The following SCPEP1 variants were observed in gnomAD, a reference collection of about 807,000 sequenced individuals.
SCPEP1 encodes retinoid-inducible serine carboxypeptidase.
SCPEP1 carries 51 observed loss-of-function variants against 63.8 expected under a neutral mutation model. That is an observed-to-expected ratio of 0.80 (90% CI 0.64 to 1.01). SCPEP1 has a LOEUF of 1.01. Among genes scored for constraint, SCPEP1 ranks in the 50% least tolerant of loss-of-function variants. The probability of loss-of-function intolerance (pLI) is 0.00; values close to 1 mark genes in which losing one functional copy is unlikely to be tolerated. For synonymous variants in SCPEP1, 204 were observed against 207.8 expected (o/e 0.98, Z 0.16); for missense variants, 499 against 554.9 (o/e 0.90, Z 1.01).
intron 1 of SCPEP1, among the ~76,000 whole-genome samples, chr17:56,980,207 T>C (rs568920191): frequency 6.8e-4 from 103 of 152,302 alleles, no homozygotes; most frequent in Non-Finnish European, 1.1e-3. Flanking sequence ...CTCAACCTAC[T>C]GGGCTCAAGC....
At position 56,978,357 on chromosome 17, in the gene SCPEP1, T is replaced by C. The variant is rs546430301; in HGVS notation, c.76+122T>C. On this transcript the variant is annotated intron_variant, in intron 1 of 12. Transcript: ENST00000262288. ...TTTCCCCGGTTCTTACCTTGTGTAATTATATTGCTTTTGAATCTCACTCTT... is the reference window on the plus strand; with the variant it reads ...TTTCCCCGGTTCTTACCTTGTGTAACTATATTGCTTTTGAATCTCACTCTT... 4.8e-5 allele frequency: 58 copies of C among 1,201,794 alleles called. No individual in the cohort carries two copies. In the South Asian group the frequency reaches 6.7e-4, roughly 14 times the overall value. 74.4% of individuals were successfully genotyped at this position (1,201,794 alleles called of 1,614,324 possible).
chr17:56,991,582 C>T lies in SCPEP1; in HGVS notation c.619+411C>T, dbSNP rs559344359. Reference sequence around the variant, plus strand: ...ACATAAGTGTTTGGGGTAAAATTCCCGTCTGTTACGCATATTGATGGCAAG... The same window carrying T: ...ACATAAGTGTTTGGGGTAAAATTCCTGTCTGTTACGCATATTGATGGCAAG... On this transcript the variant is annotated intron_variant, in intron 6 of 12. Transcript: ENST00000262288. Among the ~76,000 whole-genome samples, 15 of 152,256 alleles carry T rather than the reference C, an allele frequency of 9.9e-5. No homozygotes were observed. The South Asian group carries it at 1.0e-3, about 11-fold the overall frequency.
intron 2 of SCPEP1, among the ~76,000 whole-genome samples, chr17:56,982,022 T>C (rs1260657459): frequency 2.0e-5 from 3 of 152,192 alleles, no homozygotes; most frequent in Admixed American, 6.5e-5. Flanking sequence ...CTGAGTGTGT[T>C]TGCATTTTAA....
At chr17:56,995,039 A>C (rs752042308) in intron 7 of SCPEP1, 21 bp downstream of exon 7, 3 of 1,608,184 alleles carry the variant, frequency 1.9e-6, no homozygotes, top group African/African-American at 2.7e-5. Context: ...ACACATCTGC[A>C]CCCTCTGGGC....
chr17:56,990,595 A>G (rs1911364827), intron 5 of SCPEP1, among the ~76,000 whole-genome samples: 1 of 152,176 alleles, frequency 6.6e-6, no homozygotes, highest in African/African-American at 2.4e-5. Context: ...GTAGTTCTCA[A>G]CTTTCTATTT....
At chr17:56,996,360 G>A (rs568241709) in intron 8 of SCPEP1, among the ~76,000 whole-genome samples, 4 of 147,606 alleles carry the variant, frequency 2.7e-5, no homozygotes, top group Admixed American at 2.0e-4. Flanking sequence ...ACGCACCACC[G>A]CACCCAGCTA....
At chr17:57,002,673 C>A (rs757881531) in intron 12 of SCPEP1, among the ~76,000 whole-genome samples, 11 of 152,070 alleles carry the variant, frequency 7.2e-5, no homozygotes, top group Non-Finnish European at 1.5e-4. Context: ...CACCACTGCA[C>A]TCCAGCCTGG....
At chr17:56,988,973 G>A (rs1482965789) in intron 5 of SCPEP1, among the ~76,000 whole-genome samples, 1 of 151,888 alleles carries the variant, frequency 6.6e-6, no homozygotes, top group African/African-American at 2.4e-5. Context: ...GACTGCTTGT[G>A]ACCAGGAGTT....
In SCPEP1 at chr17:56,987,327, C is replaced by T. The variant is rs932271579; in HGVS notation, c.316-368C>T. 9 of 165,080 alleles carry T rather than the reference C, an allele frequency of 5.5e-5. No homozygotes were observed. In the South Asian group the frequency reaches 1.6e-3, roughly 29 times the overall value. The allele number at this position is 165,080 out of a possible 1,614,324, so 10.2% of individuals were successfully genotyped here. ...CCAGACTTTGAGTGTCCTCTGGCTT[C>T]TTCGAGTTAGTGCATAGACTGTCTC... On this transcript the variant is annotated intron_variant, in intron 3 of 12. Coordinates refer to ENST00000262288, the MANE Select transcript of SCPEP1 (RefSeq NM_021626.3).
At chr17:56,986,417 A>T (rs61157123) in intron 3 of SCPEP1, among the ~76,000 whole-genome samples, 1,727 of 151,008 alleles carry the variant, frequency 0.011, 32 homozygotes, top group African/African-American at 0.04. Context: ...ACGGGGTTTT[A>T]CCATGCTGGT....
chr17:56,995,616 CA>C lies in SCPEP1; in HGVS notation c.768del (p.Glu257LysfsTer2). ...YREATELWGK[A>X]EMIIEQNTDG... is the part of the protein sequence containing the mutation. ...GAGGCCACAGAGCTGTGGGGGAAAG[CA>C]GAAATGATCATTGAACAGGTAAAAA... On this transcript the variant is annotated frameshift_variant, in exon 8 of 13. Coordinates refer to ENST00000262288, the MANE Select transcript of SCPEP1 (RefSeq NM_021626.3). LOFTEE classifies it high-confidence loss of function. 6.2e-7 allele frequency: 1 copy of C among 1,613,768 alleles called. No individual in the cohort carries two copies. Among genetic ancestry groups the C allele is most frequent in the South Asian group, 1.1e-5 (1 of 91,022 alleles).
chr17:56,994,415 A>G (rs1911485378), intron 6 of SCPEP1, among the ~76,000 whole-genome samples: 2 of 152,212 alleles, frequency 1.3e-5, no homozygotes, highest in Non-Finnish European at 1.5e-5. Context: ...TCACATTTAT[A>G]TCTTAAGCTT....
intron 5 of SCPEP1, among the ~76,000 whole-genome samples, chr17:56,989,531 T>G (rs73313835): frequency 2.6e-5 from 4 of 152,246 alleles, no homozygotes; most frequent in African/African-American, 9.6e-5. Context: ...TGTCAGAGAA[T>G]GTTTATTATG....
chr17:56,980,614 C>A (rs1387670477), intron 1 of SCPEP1, among the ~76,000 whole-genome samples: 1 of 151,818 alleles, frequency 6.6e-6, no homozygotes, highest in African/African-American at 2.4e-5. Flanking sequence ...CATGGAGAAA[C>A]CCCATCTCTA....
At chr17:56,996,840 C>G in intron 8 of SCPEP1, 122 bp from the exon 9 acceptor site, 1 of 584,866 alleles carries the variant, frequency 1.7e-6, no homozygotes, top group Non-Finnish European at 2.9e-6. Context: ...TCTTTCTGAT[C>G]CAAGCAGATA....
intron 1 of SCPEP1, among the ~76,000 whole-genome samples, chr17:56,980,018 A>G (rs1425602415): frequency 6.6e-6 from 1 of 152,122 alleles, no homozygotes; most frequent in African/African-American, 2.4e-5. Flanking sequence ...TTTTTCTCCA[A>G]AAAAGGTAAT....
chr17:57,006,196 G>A lies in SCPEP1; in HGVS notation c.1320G>A (p.Met440Ile). Reference protein sequence around the residue: ...GHMVPSDQGDMALKMMRLVTQ... With the variant: ...GHMVPSDQGDIALKMMRLVTQ... Reference sequence around the variant, plus strand: ...AGGTTCCTTCTGACCAAGGGGACATGGCTCTGAAGATGATGAGACTGGTGA... The same window carrying A: ...AGGTTCCTTCTGACCAAGGGGACATAGCTCTGAAGATGATGAGACTGGTGA... The change falls in exon 13 of 13, where the codon ATG (methionine) becomes ATA (isoleucine). Residue 440 changes from methionine to isoleucine, a missense_variant. Met to Ile is a conservative substitution (Grantham distance 10). Transcript: ENST00000262288. 6.2e-7 allele frequency: 1 copy of A among 1,611,350 alleles called. No homozygotes were observed. Among genetic ancestry groups the A allele is most frequent in the Non-Finnish European group, 8.5e-7 (1 of 1,178,840 alleles).
At chr17:56,997,132 A>AC in intron 9 of SCPEP1, 77 bp downstream of exon 9, 1 of 935,776 alleles carries the variant, frequency 1.1e-6, no homozygotes, top group Non-Finnish European at 1.6e-6. Flanking sequence ...AAAAAAAAAA[A>AC]AAACTTTATT....
intron 11 of SCPEP1, among the ~76,000 whole-genome samples, chr17:57,001,722 A>T (rs1321206118): frequency 1.3e-5 from 2 of 152,212 alleles, no homozygotes; most frequent in Admixed American, 1.3e-4. Flanking sequence ...GTCTGCCTCC[A>T]GAGGTCCCCA....
Sources: allele counts gnomAD v4.1 joint callset (sites outside exome capture counted in the v4.1 genomes callset), GRCh38; gene constraint gnomAD v4.1.1; transcripts MANE v1.5; gene names NCBI Gene and HGNC (gene_info 2026-07-23, HGNC 2026-07-21).